The following NAALADL2 variants were observed in gnomAD, a reference collection of about 807,000 sequenced individuals.
The protein encoded by NAALADL2 is inactive N-acetylated-alpha-linked acidic dipeptidase-like protein 2.
In NAALADL2, 76 loss-of-function variants were observed where a neutral mutation model predicts 87.2. The observed-to-expected ratio is 0.87, with a 90% CI of 0.72 to 1.05. NAALADL2 has a LOEUF of 1.05. NAALADL2 is among the 50% of genes least tolerant of loss of function. The pLI is 0.00. For missense variants in NAALADL2, 1,089 were observed against 945.8 expected, an observed-to-expected ratio of 1.15 and a Z score of -1.99; for synonymous variants, 354 against 331.0, an observed-to-expected ratio of 1.07 and a Z score of -0.75.
upstream of NAALADL2, among the ~76,000 whole-genome samples, chr3:174,855,650 G>A (rs750985529): frequency 6.6e-6 from 1 of 151,386 alleles, no homozygotes; most frequent in Non-Finnish European, 1.5e-5. Context: ...TCTGATGATG[G>A]TAATTTTATT....
At chr3:174,629,218 T>C (rs1721879406) in intron 2 of NAALADL2, among the ~76,000 whole-genome samples, 1 of 152,174 alleles carries the variant, frequency 6.6e-6, no homozygotes, top group African/African-American at 2.4e-5. Flanking sequence ...AAAGAAATAC[T>C]AGAAACATAG....
chr3:175,213,742 T>C (rs73881448), intron 2 of NAALADL2, among the ~76,000 whole-genome samples: 14,880 of 152,202 alleles, frequency 0.098, 939 homozygotes, highest in East Asian at 0.2. Context: ...ATTATCTCCA[T>C]TTTCCAGTGA....
At chr3:175,045,682 G>T (rs980528981) in intron 1 of NAALADL2, among the ~76,000 whole-genome samples, 1 of 152,078 alleles carries the variant, frequency 6.6e-6, no homozygotes, top group African/African-American at 2.4e-5. Flanking sequence ...TCTGAGTCAC[G>T]CAGGGTGGCA....
At chr3:174,848,664 T>G (rs374123641) in intron 3 of NAALADL2, among the ~76,000 whole-genome samples, 4 of 152,210 alleles carry the variant, frequency 2.6e-5, no homozygotes, top group African/African-American at 9.7e-5. Flanking sequence ...GTGAAGTTCT[T>G]CAGTGAGGTT....
chr3:174,474,802 A>C (rs1208663862), intron 1 of NAALADL2, among the ~76,000 whole-genome samples: 1 of 152,152 alleles, frequency 6.6e-6, no homozygotes, highest in African/African-American at 2.4e-5. Flanking sequence ...GTATATTTAA[A>C]TCTCAGAGCA....
At chr3:175,743,695 C>G (rs533506613) in intron 12 of NAALADL2, among the ~76,000 whole-genome samples, 65 of 152,260 alleles carry the variant, frequency 4.3e-4, no homozygotes, top group African/African-American at 1.4e-3. Flanking sequence ...GACTTCATGT[C>G]ATAGTGAGAT....
At chr3:174,550,990 T>G (rs1326961382) in intron 2 of NAALADL2, 5 of 152,046 alleles carry the variant, frequency 3.3e-5, no homozygotes, top group African/African-American at 1.2e-4. Context: ...CATTTTATTT[T>G]ATTTTATTTT....
At chr3:174,792,982 A>G (rs1195504937) in intron 3 of NAALADL2, among the ~76,000 whole-genome samples, 1 of 152,152 alleles carries the variant, frequency 6.6e-6, no homozygotes, top group Non-Finnish European at 1.5e-5. Context: ...TGTAAGATAA[A>G]AATAGTCACT....
chr3:174,471,787 A>G (rs1490645330), intron 1 of NAALADL2, among the ~76,000 whole-genome samples: 1 of 152,118 alleles, frequency 6.6e-6, no homozygotes, highest in African/African-American at 2.4e-5. Context: ...TTAAATAAAA[A>G]ATATGTAATT....
intron 5 of NAALADL2, among the ~76,000 whole-genome samples, chr3:175,383,895 T>A (rs1581671562): frequency 6.6e-6 from 1 of 152,188 alleles, no homozygotes; most frequent in East Asian, 1.9e-4. Flanking sequence ...TTCTCAGTAA[T>A]CAACTGGTAA....
At chr3:175,688,885 T>C (rs1188903332) in intron 11 of NAALADL2, among the ~76,000 whole-genome samples, 2 of 152,188 alleles carry the variant, frequency 1.3e-5, no homozygotes, top group South Asian at 2.1e-4. Flanking sequence ...ACCAGCCAGG[T>C]GGGCCTGAGT....
At chr3:175,559,845 G>A (rs576839266) in intron 9 of NAALADL2, among the ~76,000 whole-genome samples, 3 of 152,238 alleles carry the variant, frequency 2.0e-5, no homozygotes, top group Admixed American at 2.0e-4. Flanking sequence ...CTAGTGTTTT[G>A]TTGTGGATTA....
chr3:175,294,066 CAAGAGGAGT>C (rs1166532780), intron 4 of NAALADL2, among the ~76,000 whole-genome samples: 1 of 152,014 alleles, frequency 6.6e-6, no homozygotes, highest in African/African-American at 2.4e-5. Flanking sequence ...AGGTAATAGG[CAAGAGGAGT>C]AAGATCCAGG....
intron 2 of NAALADL2, among the ~76,000 whole-genome samples, chr3:174,659,123 G>C (rs1398673378): frequency 6.6e-6 from 1 of 152,076 alleles, no homozygotes; most frequent in Non-Finnish European, 1.5e-5. Context: ...TGTATTATCT[G>C]AATAGTTATG....
intron 1 of NAALADL2, among the ~76,000 whole-genome samples, chr3:175,094,032 G>C (rs1379678325): frequency 6.6e-6 from 1 of 151,882 alleles, no homozygotes; most frequent in Non-Finnish European, 1.5e-5. Flanking sequence ...GTTTGTATTA[G>C]AGGTCAGAAT....
intron 1 of NAALADL2, among the ~76,000 whole-genome samples, chr3:174,884,485 T>G (rs1223909606): frequency 1.3e-5 from 2 of 152,144 alleles, no homozygotes; most frequent in Non-Finnish European, 2.9e-5. Context: ...CTTCTTTAGC[T>G]GTAAAGTGGG....
intron 1 of NAALADL2, among the ~76,000 whole-genome samples, chr3:174,986,245 A>G (rs1029531539): frequency 2.7e-5 from 4 of 147,458 alleles, no homozygotes; most frequent in Admixed American, 6.8e-5. Flanking sequence ...GTGTATATAT[A>G]TATTCAATAT....
At chr3:174,720,275 T>G (rs1015052315) in intron 2 of NAALADL2, among the ~76,000 whole-genome samples, 1 of 152,148 alleles carries the variant, frequency 6.6e-6, no homozygotes, top group Admixed American at 6.5e-5. Context: ...GTTTATTATC[T>G]TTTTAAAAAT....
At chr3:174,732,085 A>G (rs992377485) in intron 2 of NAALADL2, among the ~76,000 whole-genome samples, 1 of 152,170 alleles carries the variant, frequency 6.6e-6, no homozygotes, top group African/African-American at 2.4e-5. Context: ...CCTATCTCTG[A>G]TCTAATTCAT....
Sources: allele counts gnomAD v4.1 joint callset (sites outside exome capture counted in the v4.1 genomes callset), GRCh38; gene constraint gnomAD v4.1.1; transcripts MANE v1.5; gene names NCBI Gene and HGNC (gene_info 2026-07-23, HGNC 2026-07-21).